Variants in DYNC1I1 observed in about 807,000 individuals in gnomAD.
The protein encoded by DYNC1I1 is dynein cytoplasmic 1 intermediate chain 1, also known as cytoplasmic dynein 1 intermediate chain 1.
DYNC1I1 carries 43 observed loss-of-function variants against 86.6 expected under a neutral mutation model. The observed-to-expected ratio is 0.50, with a 90% CI of 0.39 to 0.64. The LOEUF (loss-of-function observed/expected upper bound fraction) is 0.64. Among genes scored for constraint, DYNC1I1 ranks in the 30% least tolerant of loss-of-function variants. The pLI is 0.00. For missense variants in DYNC1I1, 604 were observed against 788.8 expected (o/e 0.77, Z 2.81); for synonymous variants, 262 against 283.7 (o/e 0.92, Z 0.77).
intron 6 of DYNC1I1, among the ~76,000 whole-genome samples, chr7:95,934,952 TTGTGTG>T (rs145382652): frequency 1.3e-5 from 2 of 149,076 alleles, no homozygotes; most frequent in Middle Eastern, 3.4e-3. Flanking sequence ...GTTTTTTGTT[TTGTGTG>T]TGTGTGTGTG....
intron 10 of DYNC1I1, among the ~76,000 whole-genome samples, chr7:96,024,698 A>T (rs1584258873): frequency 6.6e-6 from 1 of 152,174 alleles, no homozygotes. Context: ...TAATTTTTTT[A>T]GATTTTATCT....
chr7:96,039,948 T>C (rs1057043328), intron 14 of DYNC1I1, among the ~76,000 whole-genome samples: 1 of 152,078 alleles, frequency 6.6e-6, no homozygotes, highest in South Asian at 2.1e-4. Context: ...TTAAAGGTAA[T>C]TCTGGCTGGG....
chr7:95,789,189 T>G (rs1794225433), intron 1 of DYNC1I1, among the ~76,000 whole-genome samples: 1 of 152,212 alleles, frequency 6.6e-6, no homozygotes, highest in Non-Finnish European at 1.5e-5. Context: ...GTGTACAAAA[T>G]GCTGTGTGCT....
At chr7:96,007,652 A>G (rs986070392) in intron 10 of DYNC1I1, among the ~76,000 whole-genome samples, 2 of 152,160 alleles carry the variant, frequency 1.3e-5, no homozygotes, top group African/African-American at 2.4e-5. Context: ...ACATAACACA[A>G]TTTGCCATAT....
intron 6 of DYNC1I1, among the ~76,000 whole-genome samples, chr7:95,892,801 A>G (rs1790778832): frequency 1.3e-5 from 2 of 152,164 alleles, no homozygotes; most frequent in Non-Finnish European, 1.5e-5. Context: ...TGGAAATAAC[A>G]TTAGCAATAC....
At chr7:95,862,960 A>T (rs966405729) in intron 5 of DYNC1I1, among the ~76,000 whole-genome samples, 24 of 152,196 alleles carry the variant, frequency 1.6e-4, no homozygotes, top group African/African-American at 5.8e-4. Context: ...ATTTTTAAAA[A>T]TTTTTATTTT....
At chr7:95,895,276 T>C (rs935505547) in intron 6 of DYNC1I1, among the ~76,000 whole-genome samples, 7 of 152,120 alleles carry the variant, frequency 4.6e-5, no homozygotes, top group African/African-American at 1.2e-4. Context: ...TAAGAGAAAA[T>C]GACACTTCAA....
chr7:95,877,162 C>T (rs6965352), intron 6 of DYNC1I1, among the ~76,000 whole-genome samples: 118,667 of 152,012 alleles, frequency 0.78, 47,024 homozygotes, highest in Non-Finnish European at 0.86. Flanking sequence ...AGAGGCAAGA[C>T]ATTAGCATTT....
chr7:95,885,010 T>C (rs1790557128), intron 6 of DYNC1I1, among the ~76,000 whole-genome samples: 1 of 152,182 alleles, frequency 6.6e-6, no homozygotes, highest in African/African-American at 2.4e-5. Context: ...AAAATTACCA[T>C]TTGCATGTAT....
chr7:96,073,730 G>T (rs1352518466), intron 14 of DYNC1I1, among the ~76,000 whole-genome samples: 2 of 152,122 alleles, frequency 1.3e-5, no homozygotes, highest in East Asian at 1.9e-4. Flanking sequence ...TGTTATTCGT[G>T]TTCTTTAACA....
chr7:96,017,142 A>G (rs73230266), intron 10 of DYNC1I1, among the ~76,000 whole-genome samples: 25,327 of 152,196 alleles, frequency 0.17, 2,322 homozygotes, highest in South Asian at 0.31. Context: ...TCTCTAGTTC[A>G]TACTTTCATA....
intron 1 of DYNC1I1, among the ~76,000 whole-genome samples, chr7:95,786,761 C>A (rs891294895): frequency 4.6e-5 from 7 of 152,086 alleles, no homozygotes. Flanking sequence ...GTAAATTATC[C>A]CATCCTCCTT....
At chr7:95,931,859 T>A (rs1186838354) in intron 6 of DYNC1I1, among the ~76,000 whole-genome samples, 1 of 152,256 alleles carries the variant, frequency 6.6e-6, no homozygotes, top group Non-Finnish European at 1.5e-5. Context: ...TACAGCTAAA[T>A]GTTATTTTAC....
intron 14 of DYNC1I1, among the ~76,000 whole-genome samples, chr7:96,058,019 C>T (rs895677613): frequency 6.6e-6 from 1 of 152,156 alleles, no homozygotes; most frequent in African/African-American, 2.4e-5. Context: ...CCATTTATCA[C>T]CTTTTTTTCA....
At chr7:96,042,818 T>G (rs1476304531) in intron 14 of DYNC1I1, among the ~76,000 whole-genome samples, 5 of 152,154 alleles carry the variant, frequency 3.3e-5, no homozygotes, top group African/African-American at 9.7e-5. Context: ...TCAGGGTTAC[T>G]AAATCATTGA....
chr7:95,860,732 G>A (rs75352818), intron 5 of DYNC1I1, among the ~76,000 whole-genome samples: 16,268 of 152,094 alleles, frequency 0.11, 983 homozygotes, highest in African/African-American at 0.16. Flanking sequence ...CTGGCATTTG[G>A]TGTCTTGTGA....
chr7:95,980,877 C>T (rs1045660593), intron 7 of DYNC1I1, among the ~76,000 whole-genome samples: 4 of 152,018 alleles, frequency 2.6e-5, no homozygotes, highest in East Asian at 1.9e-4. Flanking sequence ...CTCACATTGA[C>T]GTCAAAGAAA....
chr7:96,104,046 T>C (rs930034459), intron 16 of DYNC1I1, among the ~76,000 whole-genome samples: 6 of 152,190 alleles, frequency 3.9e-5, no homozygotes, highest in Admixed American at 2.0e-4. Context: ...GACTAATGAT[T>C]TTGAGCATGT....
At chr7:95,929,352 A>G (rs1322879482) in intron 6 of DYNC1I1, among the ~76,000 whole-genome samples, 1 of 152,112 alleles carries the variant, frequency 6.6e-6, no homozygotes, top group Admixed American at 6.6e-5. Context: ...AATATGTAAT[A>G]CTTTTTATGT....
Sources: gnomAD v4.1 joint callset for allele counts (sites outside exome capture counted in the v4.1 genomes callset) on GRCh38, gnomAD v4.1.1 for gene constraint, MANE v1.5 for transcripts, NCBI Gene and HGNC (gene_info 2026-07-23, HGNC 2026-07-21) for gene names.